The following SGCZ variants were observed in gnomAD, a reference collection of about 807,000 sequenced individuals.
The protein encoded by SGCZ is zeta-sarcoglycan.
Under a neutral mutation model 41.3 loss-of-function variants are expected in SGCZ, and 40 were observed. The ratio of observed to expected loss-of-function variants is 0.97; its 90% CI spans 0.75 to 1.26. The LOEUF (loss-of-function observed/expected upper bound fraction) is 1.26. Among genes scored for constraint, SGCZ ranks in the 50% most tolerant of loss-of-function variants. The pLI is 0.00. For synonymous variants in SGCZ, 206 were observed against 137.5 expected (o/e 1.50, Z -3.49); for missense variants, 552 against 369.8 (o/e 1.49, Z -4.04).
Position 14,085,462 on chromosome 8 carries a change from A to G in SGCZ, c.*4981T>C, listed in dbSNP as rs1801497293. 6.6e-6 allele frequency among the ~76,000 whole-genome samples: 1 copy of G among 151,722 alleles called. No individual in the cohort carries two copies. Among genetic ancestry groups the G allele is most frequent in the Admixed American group, 6.6e-5 (1 of 15,186 alleles). ...ATACGCAAACAAATGAGATACTAAG[A>G]CTGAAAAAAACAAAAAATAACTACA... On this transcript the variant is annotated 3_prime_UTR_variant, in exon 8 of 8. Coordinates refer to ENST00000382080, the MANE Select transcript of SGCZ (RefSeq NM_139167.4).
At chr8:14,536,566 G>A (rs1803302961) in intron 2 of SGCZ, among the ~76,000 whole-genome samples, 1 of 151,758 alleles carries the variant, frequency 6.6e-6, no homozygotes, top group Admixed American at 6.6e-5. Context: ...GAATTTTAGA[G>A]GAATTTCTAT....
chr8:14,942,553 C>T (rs562993061), intron 1 of SGCZ, among the ~76,000 whole-genome samples: 14 of 152,094 alleles, frequency 9.2e-5, no homozygotes, highest in African/African-American at 3.4e-4. Flanking sequence ...GTTAAAGCTC[C>T]AAATATTTGA....
At chr8:14,412,736 T>A (rs919597329) in intron 2 of SGCZ, among the ~76,000 whole-genome samples, 1 of 152,004 alleles carries the variant, frequency 6.6e-6, no homozygotes, top group African/African-American at 2.4e-5. Flanking sequence ...ACAATATGCA[T>A]ATTAAAAAGC....
At chr8:14,934,732 T>A (rs1800029474) in intron 1 of SGCZ, among the ~76,000 whole-genome samples, 1 of 151,508 alleles carries the variant, frequency 6.6e-6, no homozygotes, top group Non-Finnish European at 1.5e-5. Context: ...AATTTTTAAA[T>A]TCAAGAAGCC....
chr8:15,068,547 A>G (rs770543807), intron 1 of SGCZ, among the ~76,000 whole-genome samples: 4 of 152,200 alleles, frequency 2.6e-5, no homozygotes, highest in African/African-American at 7.2e-5. Context: ...GAAGTTCAAT[A>G]AGTTGCCAAA....
intron 1 of SGCZ, among the ~76,000 whole-genome samples, chr8:15,112,978 G>A (rs9325743): frequency 0.15 from 22,611 of 152,082 alleles, 1,785 homozygotes; most frequent in East Asian, 0.27. Flanking sequence ...AGAAGCCAAG[G>A]CAGGTGGATC....
chr8:14,422,425 T>C (rs781090018), intron 2 of SGCZ, among the ~76,000 whole-genome samples: 1 of 152,210 alleles, frequency 6.6e-6, no homozygotes, highest in Non-Finnish European at 1.5e-5. Flanking sequence ...TCATGGAAAC[T>C]GTATTGGAGA....
At chr8:14,860,089 T>C (rs368288638) in intron 1 of SGCZ, among the ~76,000 whole-genome samples, 1 of 151,952 alleles carries the variant, frequency 6.6e-6, no homozygotes, top group East Asian at 1.9e-4. Flanking sequence ...AAACAGAAAC[T>C]AGAAAACATA....
chr8:14,728,961 C>A (rs1271461441), intron 1 of SGCZ, among the ~76,000 whole-genome samples: 1 of 152,102 alleles, frequency 6.6e-6, no homozygotes, highest in Non-Finnish European at 1.5e-5. Context: ...TCCTTTCATG[C>A]GAAGTCAATG....
intron 2 of SGCZ, among the ~76,000 whole-genome samples, chr8:14,479,731 C>CTTTTTTTTTTTTTCTTTTTTT (rs1801472501): frequency 1.9e-5 from 1 of 52,976 alleles, no homozygotes; most frequent in African/African-American, 5.1e-5. Flanking sequence ...AATTCTACTT[C>CTTTTTTTTTTTTTCTTTTTTT]TTTTTTTTTT....
At chr8:14,301,752 A>G (rs190946462) in intron 3 of SGCZ, among the ~76,000 whole-genome samples, 54 of 152,316 alleles carry the variant, frequency 3.5e-4, no homozygotes, top group African/African-American at 1.2e-3. Context: ...TGGAAACATG[A>G]AACTGACTTT....
chr8:14,760,961 T>C (rs2119741), intron 1 of SGCZ, among the ~76,000 whole-genome samples: 59,590 of 151,956 alleles, frequency 0.39, 12,607 homozygotes, highest in East Asian at 0.51. Context: ...TTCAAAGTTT[T>C]GTTAAACTGT....
At chr8:14,954,369 C>G (rs982778247) in intron 1 of SGCZ, among the ~76,000 whole-genome samples, 1 of 152,128 alleles carries the variant, frequency 6.6e-6, no homozygotes, top group Non-Finnish European at 1.5e-5. Flanking sequence ...GCCTTCACAT[C>G]CACCTTCAAT....
At chr8:14,426,204 T>C (rs1175150063) in intron 2 of SGCZ, among the ~76,000 whole-genome samples, 1 of 152,030 alleles carries the variant, frequency 6.6e-6, no homozygotes, top group East Asian at 1.9e-4. Flanking sequence ...TTCTAGTAAA[T>C]GGAGACATAC....
At chr8:14,177,622 G>T (rs896483498) in intron 4 of SGCZ, among the ~76,000 whole-genome samples, 9 of 151,242 alleles carry the variant, frequency 6.0e-5, no homozygotes, top group African/African-American at 1.5e-4. Context: ...CCATTCTCCT[G>T]CCTCAGCCTC....
intron 3 of SGCZ, among the ~76,000 whole-genome samples, chr8:14,296,277 A>C (rs114647658): frequency 1.7e-4 from 26 of 152,174 alleles, no homozygotes; most frequent in African/African-American, 6.3e-4. Flanking sequence ...AAAACAATAA[A>C]AACTACTACA....
intron 2 of SGCZ, among the ~76,000 whole-genome samples, chr8:14,547,979 C>A (rs1179693650): frequency 6.6e-6 from 1 of 152,130 alleles, no homozygotes; most frequent in East Asian, 1.9e-4. Flanking sequence ...AAATTTCATT[C>A]ACATGGCAGA....
chr8:14,285,971 T>C (rs1563234692), intron 3 of SGCZ, among the ~76,000 whole-genome samples: 1 of 152,112 alleles, frequency 6.6e-6, no homozygotes, highest in Non-Finnish European at 1.5e-5. Flanking sequence ...TGTATAATAA[T>C]GTATGTGTAT....
chr8:14,190,010 C>G (rs370344844), intron 4 of SGCZ, among the ~76,000 whole-genome samples: 1 of 68,500 alleles, frequency 1.5e-5, no homozygotes, highest in Non-Finnish European at 2.6e-5. Context: ...TTCTTTCTTT[C>G]TTTCTTTTTT....
Sources: allele counts gnomAD v4.1 joint callset (sites outside exome capture counted in the v4.1 genomes callset), GRCh38; gene constraint gnomAD v4.1.1; transcripts MANE v1.5; gene names NCBI Gene and HGNC (gene_info 2026-07-23, HGNC 2026-07-21).